Variants in SETD7 observed in about 807,000 individuals in gnomAD.
SETD7 encodes histone-lysine N-methyltransferase SETD7.
SETD7 carries 16 observed loss-of-function variants against 41.8 expected under a neutral mutation model. The observed-to-expected ratio is 0.38, with a 90% CI of 0.26 to 0.58. SETD7 has a LOEUF of 0.58. Ranked by LOEUF, SETD7 falls within the 20% of genes least tolerant of loss-of-function variation. The probability of loss-of-function intolerance (pLI) is 0.64; values close to 1 mark genes in which losing one functional copy is unlikely to be tolerated. For synonymous variants in SETD7, 163 were observed against 169.7 expected (o/e 0.96, Z 0.31); for missense variants, 346 against 459.7 (o/e 0.75, Z 2.26).
chr4:139,526,436 A>ATTT lies in SETD7; in HGVS notation c.562+2592_562+2594dup, dbSNP rs11353890. ...AGACACATGCCACTATGCCCAGCTAATTTTTTTTTTTTTTTTTTGTATTTT... is the reference window on the plus strand; with the variant it reads ...AGACACATGCCACTATGCCCAGCTAATTTTTTTTTTTTTTTTTTTTTGTATTTT... On this transcript the variant is annotated intron_variant, in intron 4 of 7. Transcript: ENST00000274031. Among the ~76,000 whole-genome samples, 734 of 122,588 alleles carry ATTT rather than the reference A, an allele frequency of 6.0e-3. 41 individuals carry two copies. The East Asian group carries it at 0.12, about 20-fold the overall frequency. The allele number at this position is 122,588 out of a possible 152,430, so 80.4% of individuals were successfully genotyped here.
chr4:139,540,764 T>C, intron 2 of SETD7, among the ~76,000 whole-genome samples: 1 of 152,214 alleles, frequency 6.6e-6, no homozygotes, highest in East Asian at 1.9e-4. Flanking sequence ...ATATATTTGC[T>C]GGGTCTGGTT....
chr4:139,517,693 T>C (rs548469191), intron 7 of SETD7, among the ~76,000 whole-genome samples, 192 bp downstream of exon 7: 3 of 152,298 alleles, frequency 2.0e-5, no homozygotes, highest in Non-Finnish European at 2.9e-5. Flanking sequence ...ATTTCTTAGA[T>C]TGCCAAAGCC....
chr4:139,511,654 C>G lies in SETD7; in HGVS notation c.*9G>C. 4 of 1,613,654 alleles carry G rather than the reference C, an allele frequency of 2.5e-6. No homozygotes were observed. The highest frequency in any genetic ancestry group is 3.4e-6 in the Non-Finnish European group (4 of 1,179,892). ...TATTCCAGGTCTCTGAACCCCAAAG[C>G]CAGGCCTTTCACTTTTGCTGGGTGG... On this transcript the variant is annotated 3_prime_UTR_variant, in exon 8 of 8. Transcript: ENST00000274031.
chr4:139,539,439 T>C (rs1449906583), intron 2 of SETD7, among the ~76,000 whole-genome samples: 2 of 152,142 alleles, frequency 1.3e-5, no homozygotes, highest in African/African-American at 2.4e-5. Flanking sequence ...AACTTCAACT[T>C]CTCCCAAGGT....
At chr4:139,547,725 A>G (rs1012271673) in intron 1 of SETD7, among the ~76,000 whole-genome samples, 3 of 152,218 alleles carry the variant, frequency 2.0e-5, no homozygotes, top group Admixed American at 6.5e-5. Flanking sequence ...ACTTAAGCTT[A>G]ACCTTAAACC....
At chr4:139,554,864 A>C (rs1728210601) in intron 1 of SETD7, among the ~76,000 whole-genome samples, 2 of 152,360 alleles carry the variant, frequency 1.3e-5, no homozygotes, top group East Asian at 3.9e-4. Flanking sequence ...TCCCTAGTGT[A>C]ACAATAACCA....
chr4:139,530,218 A>G (rs1348608810), intron 3 of SETD7, among the ~76,000 whole-genome samples: 1 of 151,976 alleles, frequency 6.6e-6, no homozygotes, highest in African/African-American at 2.4e-5. Flanking sequence ...TTAAGACCTT[A>G]GGGAGTTTGA....
downstream of SETD7, among the ~76,000 whole-genome samples, chr4:139,504,032 G>C (rs1344130071): frequency 6.6e-6 from 1 of 152,226 alleles, no homozygotes; most frequent in African/African-American, 2.4e-5. Flanking sequence ...GACAAGCTGA[G>C]AAAGGCAGAG....
intron 7 of SETD7, among the ~76,000 whole-genome samples, chr4:139,500,505 T>A (rs1726548333): frequency 6.6e-6 from 1 of 152,208 alleles, no homozygotes; most frequent in African/African-American, 2.4e-5. Context: ...TGGTGGTTTT[T>A]GTTTGTTTGT....
chr4:139,528,373 G>C (rs1213640900), intron 4 of SETD7, among the ~76,000 whole-genome samples: 2 of 152,186 alleles, frequency 1.3e-5, no homozygotes, highest in African/African-American at 2.4e-5. Flanking sequence ...TTACAGTTTA[G>C]AGATCTACTT....
In SETD7 at chr4:139,529,087, A is replaced by C; in HGVS notation, c.506T>G (p.Leu169Arg). The change falls in exon 4 of 8, where the codon CTG becomes CGG. Residue 169 changes from leucine to arginine, a missense_variant. Coordinates refer to ENST00000274031, the MANE Select transcript of SETD7 (RefSeq NM_030648.4). The stretch of plus-strand genomic sequence containing the variant: ...TTCTTCAGTGGACATAAGGGTAGCC[A>C]GTTTGCCTTCTATCATCTCTCCATC... ...FIDGEMIEGK[L>R]ATLMSTEEGR... 1 of 1,614,124 alleles carries C rather than the reference A, an allele frequency of 6.2e-7. No homozygotes were observed. The highest frequency in any genetic ancestry group is 1.1e-5 in the South Asian group (1 of 91,068).
chr4:139,522,647 A>G (rs1413134681), intron 5 of SETD7, among the ~76,000 whole-genome samples: 1 of 151,792 alleles, frequency 6.6e-6, no homozygotes, highest in East Asian at 1.9e-4. Context: ...AGAGCATGAA[A>G]TGTTCCCCTA....
chr4:139,520,462 A>T, intron 5 of SETD7, 68 bp from the exon 6 acceptor site: 3 of 851,164 alleles, frequency 3.5e-6, no homozygotes, highest in Non-Finnish European at 5.6e-6. Context: ...ATCAACTGCC[A>T]AAATATCATT....
rs2592974 is a variant in SETD7 at position 139,529,011 on chromosome 4, C to G, written c.562+20G>C. 4 of 1,610,146 alleles carry G rather than the reference C, an allele frequency of 2.5e-6. No individual in the cohort carries two copies. Among genetic ancestry groups the G allele is most frequent in the East Asian group, 2.2e-5 (1 of 44,884 alleles). On this transcript the variant is annotated intron_variant, in intron 4 of 7. Coordinates refer to ENST00000274031, the MANE Select transcript of SETD7 (RefSeq NM_030648.4). ...CTGCTTTGGAATTGGAGCAACCCAT[C>G]TGAAGCAGATTCAACTTACTTCCAG...
Position 139,536,147 on chromosome 4 carries a change from C to T in SETD7, c.171-2781G>A, listed in dbSNP as rs530305169. Reference sequence around the variant, plus strand: ...GCCCACGGAGCCTCGATTTTACTCTCACCACATACAGAAAAAGTTTGCTAA... The same window carrying T: ...GCCCACGGAGCCTCGATTTTACTCTTACCACATACAGAAAAAGTTTGCTAA... On this transcript the variant is annotated intron_variant, in intron 2 of 7. Transcript: ENST00000274031. Among the ~76,000 whole-genome samples, 14 of 152,286 alleles carry T rather than the reference C, an allele frequency of 9.2e-5. No individual in the cohort carries two copies. The South Asian group carries it at 2.9e-3, about 32-fold the overall frequency.
chr4:139,552,758 A>G (rs2111180569), intron 1 of SETD7, among the ~76,000 whole-genome samples: 1 of 152,270 alleles, frequency 6.6e-6, no homozygotes, highest in South Asian at 2.1e-4. Flanking sequence ...ACTCAGCTCT[A>G]TGGCACCTCT....
intron 4 of SETD7, 58 bp from the exon 5 acceptor site, chr4:139,523,493 C>T (rs968497806): frequency 2.4e-5 from 29 of 1,228,826 alleles, no homozygotes; most frequent in Non-Finnish European, 3.2e-5. Flanking sequence ...GCATTTATAA[C>T]ACTTCTCTCT....
intron 2 of SETD7, among the ~76,000 whole-genome samples, chr4:139,540,772 G>T (rs1055277268): frequency 1.3e-5 from 2 of 152,172 alleles, no homozygotes; most frequent in East Asian, 3.8e-4. Context: ...GCTGGGTCTG[G>T]TTCCAACAAA....
chr4:139,495,564 G>T (rs1406095669), downstream of SETD7, among the ~76,000 whole-genome samples: 1 of 152,196 alleles, frequency 6.6e-6, no homozygotes, highest in East Asian at 1.9e-4. Context: ...CAAGGCGGCA[G>T]GAGAAAGAGA....
Sources: allele counts gnomAD v4.1 joint callset (sites outside exome capture counted in the v4.1 genomes callset), GRCh38; gene constraint gnomAD v4.1.1; transcripts MANE v1.5; gene names NCBI Gene and HGNC (gene_info 2026-07-23, HGNC 2026-07-21).